The following ZNF420 variants were observed in gnomAD, a reference collection of about 807,000 sequenced individuals.
The protein encoded by ZNF420 is zinc finger protein 420.
Under a neutral mutation model 44.7 loss-of-function variants are expected in ZNF420, and 31 were observed. The ratio of observed to expected loss-of-function variants is 0.69; its 90% CI spans 0.52 to 0.94. The LOEUF is 0.94. ZNF420 is among the 40% of genes least tolerant of loss of function. The pLI is 0.00. For missense variants in ZNF420, 681 were observed against 827.9 expected, an observed-to-expected ratio of 0.82 and a Z score of 2.18; for synonymous variants, 245 against 267.4, an observed-to-expected ratio of 0.92 and a Z score of 0.82.
Position 37,128,507 on chromosome 19 carries a change from A to G in ZNF420, c.1516A>G (p.Lys506Glu), listed in dbSNP as rs866177339. The stretch of plus-strand genomic sequence containing the variant: ...TACTGGTGAGAAACCTTATGAATGT[A>G]AAGAATGTAGAATGGCCTTTACTCA... The part of the protein sequence containing the change: ...IHTGEKPYEC[K>E]ECRMAFTQSS... The change falls in exon 5 of 5, where the codon AAA becomes GAA. Residue 506 changes from lysine (K) to glutamate (E), a missense_variant. Physicochemically the swap from Lys to Glu is moderately conservative, Grantham distance 56. Transcript: ENST00000337995. The G allele has an allele frequency of 6.2e-7, 1 of 1,614,056 alleles. No homozygotes were observed. Among genetic ancestry groups the G allele is most frequent in the African/African-American group, 1.3e-5 (1 of 75,034 alleles).
At chr19:37,023,552 G>C (rs553788669) in intron 1 of ZNF420, among the ~76,000 whole-genome samples, 6 of 152,064 alleles carry the variant, frequency 3.9e-5, no homozygotes, top group Admixed American at 3.3e-4. Context: ...TTTTAGTAGG[G>C]ACAGGGTTTT....
intron 1 of ZNF420, among the ~76,000 whole-genome samples, chr19:37,017,786 C>G (rs1249059599): frequency 2.0e-5 from 3 of 152,204 alleles, no homozygotes; most frequent in East Asian, 1.9e-4. Context: ...TCACCATGTT[C>G]ATTCAGCAGA....
intron 1 of ZNF420, among the ~76,000 whole-genome samples, chr19:37,020,389 C>T (rs1445474190): frequency 6.6e-6 from 1 of 151,806 alleles, no homozygotes; most frequent in Non-Finnish European, 1.5e-5. Context: ...ATTGCAGCCC[C>T]ACAACAAAAC....
rs1465675072 is a variant in ZNF420 at position 37,051,010 on chromosome 19, T to G, written c.-124-29335T>G. Among the ~76,000 whole-genome samples the G allele has an allele frequency of 2.0e-5, 3 of 152,242 alleles. No individual in the cohort carries two copies. In the East Asian group the frequency reaches 5.8e-4, roughly 29 times the overall value. On this transcript the variant is annotated intron_variant, in intron 1 of 4. Transcript: ENST00000587029. ...GTTTTTGTCATTGGTTCTGTTTATATGCTGGATTACATTTATTGATTTGCA... is the reference window on the plus strand; with the variant it reads ...GTTTTTGTCATTGGTTCTGTTTATAGGCTGGATTACATTTATTGATTTGCA...
At chr19:37,082,619 T>C (rs1362674794) in intron 2 of ZNF420, among the ~76,000 whole-genome samples, 2 of 152,222 alleles carry the variant, frequency 1.3e-5, no homozygotes, top group African/African-American at 4.8e-5. Context: ...TTCTTTTGGA[T>C]TGAGACAGAG....
chr19:37,027,182 T>C (rs1426876412), intron 1 of ZNF420, among the ~76,000 whole-genome samples: 1 of 152,240 alleles, frequency 6.6e-6, no homozygotes, highest in Non-Finnish European at 1.5e-5. Context: ...TAATTGATTC[T>C]GCAGGCTGGG....
chr19:37,059,688 G>T (rs1967833994), intron 1 of ZNF420, among the ~76,000 whole-genome samples: 2 of 152,258 alleles, frequency 1.3e-5, no homozygotes, highest in Admixed American at 1.3e-4. Context: ...GTGTGCTCGT[G>T]GGCCGCCCTC....
At chr19:37,027,077 A>AT (rs1416676761) in intron 1 of ZNF420, among the ~76,000 whole-genome samples, 1 of 152,234 alleles carries the variant, frequency 6.6e-6, no homozygotes, top group East Asian at 1.9e-4. Flanking sequence ...ATTATTTAAT[A>AT]TTCAACATTT....
upstream of ZNF420, among the ~76,000 whole-genome samples, chr19:37,077,812 T>A (rs146745727): frequency 2.0e-5 from 3 of 151,894 alleles, no homozygotes; most frequent in African/African-American, 7.3e-5. Context: ...CAAACCACAA[T>A]AGAGATCTGT....
intron 1 of ZNF420, among the ~76,000 whole-genome samples, chr19:37,018,724 T>G (rs1183808808): frequency 6.6e-6 from 1 of 152,142 alleles, no homozygotes; most frequent in Non-Finnish European, 1.5e-5. Flanking sequence ...TGCACCACCA[T>G]GCCCAGTGAA....
chr19:37,057,187 G>T (rs1967772361), intron 1 of ZNF420, among the ~76,000 whole-genome samples: 1 of 152,234 alleles, frequency 6.6e-6, no homozygotes, highest in Non-Finnish European at 1.5e-5. Flanking sequence ...GAGTCTCCAA[G>T]GACTGACCAG....
chr19:37,091,276 G>T, intron 4 of ZNF420, 155 bp downstream of exon 4: 1 of 707,372 alleles, frequency 1.4e-6, no homozygotes, highest in Non-Finnish European at 2.1e-6. Flanking sequence ...GGTTTCTCAG[G>T]GCACCTTTAT....
chr19:37,039,878 G>T (rs1967422349), intron 1 of ZNF420, among the ~76,000 whole-genome samples: 2 of 149,046 alleles, frequency 1.3e-5, no homozygotes, highest in South Asian at 2.1e-4. Context: ...TTTTTGATTT[G>T]TTTTTTTGTT....
At chr19:37,058,766 GC>G (rs370253656) in intron 1 of ZNF420, among the ~76,000 whole-genome samples, 184 of 152,234 alleles carry the variant, frequency 1.2e-3, no homozygotes, top group African/African-American at 4.3e-3. Context: ...CCTCGGTAAT[GC>G]ACACTCACCC....
chr19:37,065,248 A>G (rs574495777), intron 1 of ZNF420, among the ~76,000 whole-genome samples: 1 of 152,268 alleles, frequency 6.6e-6, no homozygotes, highest in South Asian at 2.1e-4. Context: ...GGCTTAGATT[A>G]TGGTGCATGA....
At chr19:37,027,860 G>A (rs1181811222) in intron 1 of ZNF420, among the ~76,000 whole-genome samples, 1 of 152,094 alleles carries the variant, frequency 6.6e-6, no homozygotes, top group Non-Finnish European at 1.5e-5. Context: ...TCCAATCTTT[G>A]TTGGTTATGT....
At chr19:37,088,914 C>G (rs1568448082) in intron 2 of ZNF420, 125 bp from the exon 3 acceptor site, 1 of 570,508 alleles carries the variant, frequency 1.8e-6, no homozygotes, top group East Asian at 2.9e-5. Context: ...ATATGTCTGT[C>G]CCCCTTAGTG....
intron 1 of ZNF420, among the ~76,000 whole-genome samples, chr19:37,021,791 G>A (rs557724180): frequency 6.6e-6 from 1 of 151,716 alleles, no homozygotes; most frequent in Non-Finnish European, 1.5e-5. Context: ...ACAAAAATTA[G>A]CATGGCATGG....
At chr19:37,048,915 G>A (rs1967590668) in intron 1 of ZNF420, among the ~76,000 whole-genome samples, 2 of 136,700 alleles carry the variant, frequency 1.5e-5, no homozygotes, top group Non-Finnish European at 3.0e-5. Flanking sequence ...CCCTTCCTGT[G>A]TCCATGTGTT....
Sources: gnomAD v4.1 joint callset for allele counts (sites outside exome capture counted in the v4.1 genomes callset) on GRCh38, gnomAD v4.1.1 for gene constraint, MANE v1.5 for transcripts, NCBI Gene and HGNC (gene_info 2026-07-23, HGNC 2026-07-21) for gene names.